RBM38: variants seen among roughly 807,000 people sequenced by gnomAD.
RBM38 encodes RNA binding motif protein 38.
A neutral mutation model predicts 23.5 loss-of-function variants in RBM38; 11 were observed. That is an observed-to-expected ratio of 0.47 (90% confidence interval 0.29 to 0.77). RBM38 has a LOEUF of 0.77. Among genes scored for constraint, RBM38 ranks in the 30% least tolerant of loss-of-function variants. RBM38 has a pLI of 0.08. For missense variants in RBM38, 330 were observed against 351.9 expected, an observed-to-expected ratio of 0.94 and a Z score of 0.50; for synonymous variants, 165 against 166.1, an observed-to-expected ratio of 0.99 and a Z score of 0.05.
Position 57,408,303 on chromosome 20 carries a change from C to T in RBM38, c.*457C>T, listed in dbSNP as rs1015691404. On this transcript the variant is annotated 3_prime_UTR_variant, in exon 4 of 4. Coordinates refer to ENST00000356208, the MANE Select transcript of RBM38 (RefSeq NM_017495.6). ...GAAGTTAATGGACTGTTTATTGTAA[C>T]TTGATCCTCCCGAGCTGTGAGCGCA... 1.0e-5 allele frequency: 2 copies of T among 200,880 alleles called. No homozygotes were observed. Among genetic ancestry groups the T allele is most frequent in the Admixed American group, 5.2e-5 (1 of 19,118 alleles). The allele number at this position is 200,880 out of a possible 1,614,324, so 12.4% of individuals were successfully genotyped here. A position where few individuals can be genotyped will look rare whatever the true frequency, so the allele number is the denominator to read the frequency against.
At position 57,403,039 on chromosome 20, in the gene RBM38, C is replaced by T. The variant is rs147423763; in HGVS notation, c.417-4504C>T. ...GGGGCACCCTGAGCATTGTAGGAAGCGGTCAGCACCCCTGGCCTCGACCCC... is the reference window on the plus strand; with the variant it reads ...GGGGCACCCTGAGCATTGTAGGAAGTGGTCAGCACCCCTGGCCTCGACCCC... On this transcript the variant is annotated intron_variant, in intron 3 of 3. Transcript: ENST00000356208. Among the ~76,000 whole-genome samples, 950 of 152,338 alleles carry T rather than the reference C, an allele frequency of 6.2e-3. 8 individuals are homozygous for T. The highest frequency in any genetic ancestry group is 0.021 in the African/African-American group (875 of 41,586).
At position 57,404,377 on chromosome 20, in the gene RBM38, G is replaced by A. The variant is rs145249189; in HGVS notation, c.417-3166G>A. On this transcript the variant is annotated intron_variant, in intron 3 of 3. Coordinates refer to ENST00000356208, the MANE Select transcript of RBM38 (RefSeq NM_017495.6). ...TTGCGGGGAGATGTCTGAGGCAGGG[G>A]CATCACTGCCCATGTTTGGAGAAGG... Among the ~76,000 whole-genome samples, 1,106 of 152,376 alleles carry A rather than the reference G, an allele frequency of 7.3e-3. 13 individuals carry two copies. The highest frequency in any genetic ancestry group is 0.02 in the African/African-American group (839 of 41,596).
chr20:57,394,646 T>C (rs2067256159), intron 3 of RBM38, among the ~76,000 whole-genome samples: 1 of 152,072 alleles, frequency 6.6e-6, no homozygotes, highest in Admixed American at 6.5e-5. Flanking sequence ...GGAATCTGTT[T>C]TGTAGATGTC....
In RBM38 at chr20:57,407,968, T is replaced by G; in HGVS notation, c.*122T>G. On this transcript the variant is annotated 3_prime_UTR_variant, in exon 4 of 4. Coordinates refer to ENST00000356208, the MANE Select transcript of RBM38 (RefSeq NM_017495.6). The surrounding 1 kb of genome is among the most constrained non-coding windows in gnomAD (Gnocchi z 4.0). ...GTGAGGTGCCACCAGCACCCGTGCCTCCGAAGACCGCTCGGGCATTCCGCC... is the reference window on the plus strand; with the variant it reads ...GTGAGGTGCCACCAGCACCCGTGCCGCCGAAGACCGCTCGGGCATTCCGCC... The G allele has an allele frequency of 7.9e-7, 1 of 1,261,508 alleles. No homozygotes were observed. The highest frequency in any genetic ancestry group is 1.1e-6 in the Non-Finnish European group (1 of 929,308). 78.1% of individuals were successfully genotyped at this position (1,261,508 alleles called of 1,614,324 possible). A position where few individuals can be genotyped will look rare whatever the true frequency, so the allele number is the denominator to read the frequency against.
chr20:57,394,502 G>T (rs1277585512), intron 3 of RBM38, among the ~76,000 whole-genome samples: 1 of 152,214 alleles, frequency 6.6e-6, no homozygotes, highest in African/African-American at 2.4e-5. Context: ...GCTGAGGGGT[G>T]CTGGAGGGTG....
chr20:57,402,224 C>T (rs73293821), intron 3 of RBM38, among the ~76,000 whole-genome samples: 6,942 of 152,246 alleles, frequency 0.046, 487 homozygotes, highest in African/African-American at 0.15. Context: ...GGATTCCAGG[C>T]GTGGGTCTTG....
chr20:57,402,049 G>A (rs2067333490), intron 3 of RBM38, among the ~76,000 whole-genome samples: 1 of 152,164 alleles, frequency 6.6e-6, no homozygotes, highest in Non-Finnish European at 1.5e-5. Flanking sequence ...CCGGGTTCAA[G>A]CCATTCTCCT....
chr20:57,392,896 C>T, intron 2 of RBM38, 119 bp downstream of exon 2: 1 of 1,369,076 alleles, frequency 7.3e-7, no homozygotes, highest in Non-Finnish European at 1.0e-6. Flanking sequence ...CTATCATGTG[C>T]CTGCAGAGCC....
intron 1 of RBM38, 103 bp downstream of exon 1, chr20:57,391,921 C>T (rs2067220294): frequency 2.4e-6 from 2 of 844,216 alleles, no homozygotes; most frequent in Non-Finnish European, 3.1e-6. Context: ...CCGCTGCCGC[C>T]CCCGCCCCAG....
At chr20:57,403,103 A>G (rs186622) in intron 3 of RBM38, among the ~76,000 whole-genome samples, 150,626 of 152,318 alleles carry the variant, frequency 0.99, 74,475 homozygotes, top group Middle Eastern at 1. Flanking sequence ...TCATATTCCT[A>G]GTTGTCAGTT....
chr20:57,399,955 C>T, intron 3 of RBM38: 1 of 456,296 alleles, frequency 2.2e-6, no homozygotes, highest in Admixed American at 2.3e-5. Flanking sequence ...GAAAATGAGT[C>T]CTCCTGGGCC....
At chr20:57,403,958 C>T (rs892812933) in intron 3 of RBM38, among the ~76,000 whole-genome samples, 2 of 152,228 alleles carry the variant, frequency 1.3e-5, no homozygotes, top group African/African-American at 2.4e-5. Flanking sequence ...TTATCCCAGG[C>T]CCTTTACGTA....
At position 57,407,607 on chromosome 20, in the gene RBM38, C is replaced by G; in HGVS notation, c.481C>G (p.Pro161Ala). 1.2e-6 allele frequency: 2 copies of G among 1,613,768 alleles called. No homozygotes were observed. The highest frequency in any genetic ancestry group is 1.7e-6 in the Non-Finnish European group (2 of 1,179,864). The change falls in exon 4 of 4, where the codon CCT becomes GCT. Residue 161 changes from proline to alanine, a missense_variant. Physicochemically the swap from Pro to Ala is conservative, Grantham distance 27 (BLOSUM62 -1). This residue lies in a region of RBM38 where 227 missense variants were observed against 216.4 expected (regional missense o/e 1.05). Transcript: ENST00000356208. The surrounding 1 kb of genome is among the most constrained non-coding windows in gnomAD (Gnocchi z 4.0). Reference protein sequence around the residue: ...VQPSVVIPAAPVPSLSSPYIE... With the variant: ...VQPSVVIPAAAVPSLSSPYIE... Reference sequence around the variant, plus strand: ...GCCCAGCGTGGTGATCCCAGCCGCCCCTGTCCCGTCGCTGTCCTCGCCCTA... The same window carrying G: ...GCCCAGCGTGGTGATCCCAGCCGCCGCTGTCCCGTCGCTGTCCTCGCCCTA...
rs2067233134 is a variant in RBM38 at position 57,392,714 on chromosome 20, G to C, written c.298G>C (p.Asp100His). The change falls in exon 2 of 4, where the codon GAC becomes CAC. Residue 100 changes from aspartate to histidine, a missense_variant. Coordinates refer to ENST00000356208, the MANE Select transcript of RBM38 (RefSeq NM_017495.6). The part of the protein sequence containing the change: ...RACKDPNPII[D>H]GRKANVNLAY... ...TTGCAAAGACCCGAACCCCATCATC[G>C]ACGGCCGCAAGGCCAACGTGAACCT... The C allele has an allele frequency of 7.4e-6, 12 of 1,612,944 alleles. No homozygotes were observed. The highest frequency in any genetic ancestry group is 1.0e-5 in the Non-Finnish European group (12 of 1,179,850).
intron 2 of RBM38, 117 bp downstream of exon 2, chr20:57,392,894 T>A (rs2067235656): frequency 1.4e-6 from 2 of 1,394,234 alleles, no homozygotes; most frequent in Admixed American, 2.1e-5. Flanking sequence ...GGCTATCATG[T>A]GCCTGCAGAG....
Position 57,391,505 on chromosome 20 carries a change from T to TGCCCCGCGCGCTCCCCGCC in RBM38, c.-71_-53dup, listed in dbSNP as rs2067213678. On this transcript the variant is annotated 5_prime_UTR_variant, in exon 1 of 4. Transcript: ENST00000356208. The stretch of plus-strand genomic sequence containing the variant: ...TGGCGGCTGGACGGGCGCCCCTCGC[T>TGCCCCGCGCGCTCCCCGCC]GCCCCGCGCGCTCCCCGCCGCCCCC... The TGCCCCGCGCGCTCCCCGCC allele has an allele frequency of 3.1e-6, 1 of 324,696 alleles. No individual in the cohort carries two copies. Among genetic ancestry groups the TGCCCCGCGCGCTCCCCGCC allele is most frequent in the Non-Finnish European group, 4.4e-6 (1 of 229,246 alleles). 20.1% of individuals were successfully genotyped at this position (324,696 alleles called of 1,614,324 possible).
intron 3 of RBM38, among the ~76,000 whole-genome samples, chr20:57,404,572 C>T (rs2067362807): frequency 1.3e-5 from 2 of 152,242 alleles, no homozygotes; most frequent in Admixed American, 1.3e-4. Context: ...CTCCGAGACC[C>T]TTCTGGGGCC....
At chr20:57,392,562 G>C (rs2067231054) in intron 1 of RBM38, 92 bp from the exon 2 acceptor site, 1 of 1,516,886 alleles carries the variant, frequency 6.6e-7, no homozygotes, top group African/African-American at 1.4e-5. Flanking sequence ...GGAAGAGAGG[G>C]GTGGCAGCAT....
chr20:57,405,533 A>G (rs1020959608), intron 3 of RBM38, among the ~76,000 whole-genome samples: 6 of 152,216 alleles, frequency 3.9e-5, no homozygotes, highest in African/African-American at 1.4e-4. Context: ...CACAGCAGCC[A>G]CTAGGATGGC....
Sources: gnomAD v4.1 joint callset for allele counts (sites outside exome capture counted in the v4.1 genomes callset) on GRCh38, gnomAD v4.1.1 for gene constraint, gnomAD v4.1.1 regional missense constraint, Gnocchi (gnomAD v3.1) non-coding constraint, MANE v1.5 for transcripts, NCBI Gene and HGNC (gene_info 2026-07-23, HGNC 2026-07-21) for gene names.